The following CTTNBP2 variants were observed in gnomAD, a reference collection of about 807,000 sequenced individuals.
CTTNBP2 encodes the protein cortactin binding protein 2, also known as cortactin-binding protein 2.
In CTTNBP2, 108 loss-of-function variants were observed where a neutral mutation model predicts 156.9. The ratio of observed to expected loss-of-function variants is 0.69; its 90% CI spans 0.59 to 0.81. CTTNBP2 has a LOEUF of 0.81. CTTNBP2 is among the 30% of genes least tolerant of loss of function. CTTNBP2 has a pLI of 0.00. For synonymous variants in CTTNBP2, 767 were observed against 751.8 expected (o/e 1.02, Z -0.33); for missense variants, 1,924 against 2,035.4 (o/e 0.95, Z 1.05).
chr7:117,783,063 C>A, intron 5 of CTTNBP2, 102 bp from the exon 6 acceptor site: 1 of 737,220 alleles, frequency 1.4e-6, no homozygotes, highest in Admixed American at 2.6e-5. Flanking sequence ...AAGGGACTCT[C>A]CCCTGCACAG....
intron 2 of CTTNBP2, among the ~76,000 whole-genome samples, chr7:117,817,361 A>ATAAATAAATAAATATATATATATAT (rs1298639361): frequency 5.6e-4 from 30 of 53,306 alleles, no homozygotes; most frequent in Non-Finnish European, 8.8e-4. Flanking sequence ...AAAAAAAAAA[A>ATAAATAAATAAATATATATATATAT]ATATATATAT....
intron 8 of CTTNBP2, among the ~76,000 whole-genome samples, chr7:117,773,184 C>G (rs922165973): frequency 6.6e-6 from 1 of 152,154 alleles, no homozygotes; most frequent in African/African-American, 2.4e-5. Context: ...CAACTCCATG[C>G]GACAACGAAT....
chr7:117,838,441 G>T (rs543947284), intron 2 of CTTNBP2, among the ~76,000 whole-genome samples: 1 of 152,116 alleles, frequency 6.6e-6, no homozygotes, highest in African/African-American at 2.4e-5. Flanking sequence ...TTGTTTGGGG[G>T]GATAACTTAG....
intron 2 of CTTNBP2, among the ~76,000 whole-genome samples, chr7:117,857,970 T>C (rs2117228571): frequency 6.6e-6 from 1 of 152,354 alleles, no homozygotes; most frequent in South Asian, 2.1e-4. Flanking sequence ...AGTGATACTA[T>C]GATGGCTACC....
chr7:117,799,194 A>C (rs1422090151), intron 3 of CTTNBP2, among the ~76,000 whole-genome samples: 3 of 151,946 alleles, frequency 2.0e-5, no homozygotes, highest in Non-Finnish European at 4.4e-5. Flanking sequence ...ACCTTTATAC[A>C]AAACAAAAAT....
At chr7:117,806,183 T>C (rs1208596005) in intron 3 of CTTNBP2, among the ~76,000 whole-genome samples, 1 of 152,188 alleles carries the variant, frequency 6.6e-6, no homozygotes, top group Non-Finnish European at 1.5e-5. Context: ...TGAACGCAGC[T>C]TCACTGGTAG....
At chr7:117,814,768 T>G (rs1051633593) in intron 2 of CTTNBP2, among the ~76,000 whole-genome samples, 1 of 152,212 alleles carries the variant, frequency 6.6e-6, no homozygotes, top group Non-Finnish European at 1.5e-5. Context: ...TGGACTGACA[T>G]TTAGCCTTTA....
chr7:117,723,576 TTA>T (rs1459096736), intron 19 of CTTNBP2, among the ~76,000 whole-genome samples: 1 of 152,192 alleles, frequency 6.6e-6, no homozygotes, highest in Non-Finnish European at 1.5e-5. Context: ...CATTTATAAT[TTA>T]TATAATAGCT....
intron 1 of CTTNBP2, among the ~76,000 whole-genome samples, chr7:117,864,915 AATAT>A (rs1461451146): frequency 7.0e-6 from 1 of 142,558 alleles, no homozygotes; most frequent in Non-Finnish European, 1.5e-5. Flanking sequence ...ATATTCATTC[AATAT>A]ATATTCATAT....
chr7:117,864,115 G>A (rs1051591618), intron 1 of CTTNBP2, among the ~76,000 whole-genome samples: 6 of 152,130 alleles, frequency 3.9e-5, no homozygotes, highest in African/African-American at 1.4e-4. Flanking sequence ...AGCCTGCCCT[G>A]CTTCCATCAG....
rs768271811 is a variant in CTTNBP2 at position 117,711,222 on chromosome 7, T to C, written c.*315A>G. ...ACATACATATATACATATATACAGA[T>C]ATACAGTACACAGTTCTGTTTTAAT... On this transcript the variant is annotated 3_prime_UTR_variant, in exon 23 of 23. Coordinates refer to ENST00000160373, the MANE Select transcript of CTTNBP2 (RefSeq NM_033427.3). The C allele has an allele frequency of 1.3e-5, 3 of 236,898 alleles. No individual in the cohort carries two copies. The highest frequency in any genetic ancestry group is 2.5e-5 in the Non-Finnish European group (3 of 120,114). The allele number at this position is 236,898 out of a possible 1,614,324, so 14.7% of individuals were successfully genotyped here. A position where few individuals can be genotyped will look rare whatever the true frequency, so the allele number is the denominator to read the frequency against.
chr7:117,758,122 G>A (rs1006393864), intron 10 of CTTNBP2, 152 bp from the exon 11 acceptor site: 4 of 588,102 alleles, frequency 6.8e-6, no homozygotes, highest in African/African-American at 1.9e-5. Context: ...GGCCACACAA[G>A]GGGTTAGCTC....
At position 117,792,695 on chromosome 7, in the gene CTTNBP2, G is replaced by A. The variant is rs1799099881; in HGVS notation, c.501C>T (p.Asn167=). The A allele has an allele frequency of 6.2e-7, 1 of 1,613,304 alleles. No homozygotes were observed. The highest frequency in any genetic ancestry group is 1.7e-5 in the Admixed American group (1 of 59,962). The change falls in exon 4 of 23, where the codon AAC becomes AAT. Residue 167 remains asparagine (N), a synonymous_variant. Coordinates refer to ENST00000160373, the MANE Select transcript of CTTNBP2 (RefSeq NM_033427.3). This position sits in a 1 kb window ranked among gnomAD's most constrained non-coding sequence, Gnocchi z 4.2. ...AARLEEERGK[N]KQVVLMLVKE... is the part of the protein sequence containing the mutation. Reference sequence around the variant, plus strand: ...TGACCAGCATCAGGACCACCTGCTTGTTCTTGCCACGCTCTTCCTCAAGGC... The same window carrying A: ...TGACCAGCATCAGGACCACCTGCTTATTCTTGCCACGCTCTTCCTCAAGGC...
chr7:117,821,415 A>C (rs540610594), intron 2 of CTTNBP2, among the ~76,000 whole-genome samples: 1 of 151,046 alleles, frequency 6.6e-6, no homozygotes, highest in Non-Finnish European at 1.5e-5. Flanking sequence ...GTTCTTTACT[A>C]TTCCTGGTTT....
intron 21 of CTTNBP2, among the ~76,000 whole-genome samples, chr7:117,718,623 G>A (rs554278378): frequency 1.3e-5 from 2 of 152,318 alleles, no homozygotes; most frequent in Middle Eastern, 3.4e-3. Context: ...ATACTAGAGT[G>A]CCAAAACAGG....
At chr7:117,783,005 T>C in intron 5 of CTTNBP2, 44 bp from the exon 6 acceptor site, 1 of 1,436,420 alleles carries the variant, frequency 7.0e-7, no homozygotes, top group Non-Finnish European at 9.8e-7. Context: ...CCATTTGGAG[T>C]TATGATGTGC....
intron 3 of CTTNBP2, among the ~76,000 whole-genome samples, chr7:117,805,788 A>C (rs1310315054): frequency 6.6e-6 from 1 of 152,208 alleles, no homozygotes; most frequent in African/African-American, 2.4e-5. Flanking sequence ...CACTTGTTTA[A>C]ATTTGAGTCA....
Position 117,718,085 on chromosome 7 carries a change from T to G in CTTNBP2, c.4679A>C (p.Asp1560Ala). 1 of 1,613,202 alleles carries G rather than the reference T, an allele frequency of 6.2e-7. No individual in the cohort carries two copies. The highest frequency in any genetic ancestry group is 2.2e-5 in the East Asian group (1 of 44,832). ...ADSRDDLRMF[D>A]SSGNNPVLSA... ...AAGTACAGGGTTGTTTCCAGAACTA[T>G]CAAACATCCTTAAATCATCCCTGGA... The change falls in exon 22 of 23, where the codon GAT becomes GCT. Residue 1560 changes from aspartate to alanine, a missense_variant. Physicochemically the swap from Asp to Ala is moderately radical, Grantham distance 126. Coordinates refer to ENST00000160373, the MANE Select transcript of CTTNBP2 (RefSeq NM_033427.3).
chr7:117,786,513 A>G, intron 4 of CTTNBP2: 1 of 380,704 alleles, frequency 2.6e-6, no homozygotes, highest in South Asian at 2.0e-5. Context: ...AATTATAAAC[A>G]CGAAGGCATA....
Sources: allele counts gnomAD v4.1 joint callset (sites outside exome capture counted in the v4.1 genomes callset), GRCh38; gene constraint gnomAD v4.1.1; non-coding constraint Gnocchi (gnomAD v3.1); transcripts MANE v1.5; gene names NCBI Gene and HGNC (gene_info 2026-07-23, HGNC 2026-07-21).